Variants in C8B observed in about 807,000 individuals in gnomAD.
C8B encodes complement component C8 beta chain.
C8B carries 67 observed loss-of-function variants against 64.6 expected under a neutral mutation model. The observed-to-expected ratio is 1.04, with a 90% CI of 0.85 to 1.27. The LOEUF is 1.27. Among genes scored for constraint, C8B ranks in the 50% most tolerant of loss-of-function variants. The probability of loss-of-function intolerance (pLI) is 0.00; values close to 1 mark genes in which losing one functional copy is unlikely to be tolerated. For missense variants in C8B, 790 were observed against 725.2 expected (o/e 1.09, Z -1.03); for synonymous variants, 284 against 257.7 (o/e 1.10, Z -0.98).
rs1271925619 is a variant in C8B, at chr1:56,929,519, C to T, written c.1661G>A (p.Trp554Ter). 1.9e-6 allele frequency: 3 copies of T among 1,613,830 alleles called. No individual in the cohort carries two copies. The highest frequency in any genetic ancestry group is 2.2e-5 in the East Asian group (1 of 44,874). The stretch of plus-strand genomic sequence containing the variant: ...CTTACGTCTTCCAGAGCATGAAGAC[C>T]AATTTGACCAGCAATTCCACTTCCC... ...IDGKWNCWSN[W>*]SSCSGRRKTR... Residue 554 changes from tryptophan (W) to a stop codon, truncating the protein, a stop_gained, in exon 12 of 12, where the codon TGG becomes TAG. Coordinates refer to ENST00000371237, the MANE Select transcript of C8B (RefSeq NM_000066.4). LOFTEE classifies it low-confidence loss of function (END_TRUNC).
chr1:56,963,943 C>A, intron 1 of C8B: 1 of 985,388 alleles, frequency 1.0e-6, no homozygotes, highest in African/African-American at 1.7e-5. Context: ...TCAGCATTTT[C>A]TGTTCCAGAA....
intron 6 of C8B, among the ~76,000 whole-genome samples, chr1:56,949,144 CA>C (rs1413056043): frequency 2.0e-5 from 3 of 152,018 alleles, no homozygotes; most frequent in Non-Finnish European, 2.9e-5. Context: ...ATGTCCCCTC[CA>C]AAACTCATGT....
chr1:56,961,196 T>C (rs1409175401), intron 1 of C8B, among the ~76,000 whole-genome samples: 3 of 152,204 alleles, frequency 2.0e-5, no homozygotes, highest in East Asian at 1.9e-4. Context: ...ATGATTCTTA[T>C]TTTTTTCTTA....
At position 56,952,464 on chromosome 1, in the gene C8B, C is replaced by T. The variant is rs1026011633; in HGVS notation, c.534-284G>A. On this transcript the variant is annotated intron_variant, in intron 4 of 11. Coordinates refer to ENST00000371237, the MANE Select transcript of C8B (RefSeq NM_000066.4). Reference sequence around the variant, plus strand: ...CCCAGAATGCCCTTCCACCCAGTCACTGTTTTATCTCTGACTTGTCTGTCA... The same window carrying T: ...CCCAGAATGCCCTTCCACCCAGTCATTGTTTTATCTCTGACTTGTCTGTCA... 2.6e-5 allele frequency among the ~76,000 whole-genome samples: 4 copies of T among 152,290 alleles called. No individual in the cohort carries two copies. In the Middle Eastern group the frequency reaches 0.014, roughly 522 times the overall value.
At chr1:56,937,025 T>C (rs946684192) in intron 9 of C8B, among the ~76,000 whole-genome samples, 2 of 152,244 alleles carry the variant, frequency 1.3e-5, no homozygotes, top group African/African-American at 4.8e-5. Flanking sequence ...AGTAATTTGC[T>C]TTGAGAAAAT....
In C8B at chr1:56,965,842, G is replaced by A. The variant is rs368071008; in HGVS notation, c.92+15C>T. ...CATATTATTGATCAGGGAATTATTGGTAACTGTCACTTACCTGGAGCCAGG... is the reference window on the plus strand; with the variant it reads ...CATATTATTGATCAGGGAATTATTGATAACTGTCACTTACCTGGAGCCAGG... On this transcript the variant is annotated intron_variant, in intron 1 of 11. Transcript: ENST00000371237. 8.7e-6 allele frequency: 14 copies of A among 1,613,864 alleles called. No individual in the cohort carries two copies. The highest frequency in any genetic ancestry group is 1.7e-5 in the Admixed American group (1 of 60,022).
chr1:56,937,850 C>A (rs1234860858), intron 9 of C8B, among the ~76,000 whole-genome samples: 1 of 152,026 alleles, frequency 6.6e-6, no homozygotes, highest in Non-Finnish European at 1.5e-5. Flanking sequence ...AATTCTTCAC[C>A]CATTAATGAC....
chr1:56,963,964 T>C (rs1645215634), intron 1 of C8B: 1 of 985,174 alleles, frequency 1.0e-6, no homozygotes, highest in East Asian at 1.1e-4. Flanking sequence ...CCAAAGACTA[T>C]TCTTCTACTC....
intron 2 of C8B, among the ~76,000 whole-genome samples, chr1:56,957,546 G>A (rs1645120597): frequency 6.6e-6 from 1 of 152,094 alleles, no homozygotes; most frequent in South Asian, 2.1e-4. Context: ...TTATGTTGTT[G>A]GATGTATAGT....
chr1:56,960,192 A>G lies in C8B; in HGVS notation c.93-16T>C. 6.2e-7 allele frequency: 1 copy of G among 1,613,068 alleles called. No homozygotes were observed. The highest frequency in any genetic ancestry group is 8.5e-7 in the Non-Finnish European group (1 of 1,179,266). The stretch of plus-strand genomic sequence containing the variant: ...CCTTTCACCTCTAAAAGTCATTATG[A>G]GAGAAGAGAGTCACGTATCAGAAGG... On this transcript the variant is annotated splice_polypyrimidine_tract_variant and intron_variant, in intron 1 of 11. Coordinates refer to ENST00000371237, the MANE Select transcript of C8B (RefSeq NM_000066.4).
intron 9 of C8B, among the ~76,000 whole-genome samples, chr1:56,933,988 A>T (rs1271276573): frequency 1.3e-5 from 2 of 152,176 alleles, no homozygotes; most frequent in Non-Finnish European, 2.9e-5. Context: ...TATCAAAATC[A>T]TTCCCATCCT....
At chr1:56,953,060 C>T (rs376337801) in intron 4 of C8B, among the ~76,000 whole-genome samples, 3 of 152,164 alleles carry the variant, frequency 2.0e-5, no homozygotes, top group Non-Finnish European at 4.4e-5. Flanking sequence ...TGGGTAGCTA[C>T]GTGCATCATC....
intron 1 of C8B, among the ~76,000 whole-genome samples, chr1:56,961,613 G>T (rs1056790415): frequency 1.3e-5 from 2 of 152,150 alleles, no homozygotes; most frequent in South Asian, 4.1e-4. Context: ...TCTATGTAAG[G>T]CCTCTTTCTT....
chr1:56,959,975 A>G (rs550467706), intron 2 of C8B, 45 bp downstream of exon 2: 3 of 1,612,244 alleles, frequency 1.9e-6, no homozygotes, highest in African/African-American at 1.3e-5. Flanking sequence ...TGCTGGGGAC[A>G]AAGGCTCCTG....
At chr1:56,959,743 G>A in intron 2 of C8B, 1 of 856,350 alleles carries the variant, frequency 1.2e-6, no homozygotes, top group Non-Finnish European at 1.8e-6. Context: ...CCTGTTTCAT[G>A]ATGAAAGATT....
At position 56,949,652 on chromosome 1, in the gene C8B, A is replaced by T; in HGVS notation, c.767T>A (p.Phe256Tyr). ...EKMASKSGFS[F>Y]GFKIPGIFEL... ...AAATATTCCAGGTATTTTAAAACCA[A>T]AACTGAAACCAGACTTGCTTGCCAT... The change falls in exon 6 of 12, where the codon TTT (phenylalanine) becomes TAT (tyrosine). Residue 256 changes from phenylalanine to tyrosine, a missense_variant. By Grantham distance (22) the Phe-to-Tyr change is conservative. Coordinates refer to ENST00000371237, the MANE Select transcript of C8B (RefSeq NM_000066.4). 1 of 1,614,104 alleles carries T rather than the reference A, an allele frequency of 6.2e-7. No individual in the cohort carries two copies.
intron 2 of C8B, chr1:56,959,620 C>T: frequency 6.5e-7 from 1 of 1,535,346 alleles, no homozygotes; most frequent in South Asian, 1.2e-5. Flanking sequence ...TAGATTCGGT[C>T]ACAGGGATCC....
At chr1:56,943,886 A>G in intron 7 of C8B, 62 bp from the exon 8 acceptor site, 1 of 1,595,536 alleles carries the variant, frequency 6.3e-7, no homozygotes, top group Non-Finnish European at 8.6e-7. Context: ...CCCTTTTCCT[A>G]TGATCGAGTC....
At chr1:56,960,359 T>A (rs543285848) in intron 1 of C8B, among the ~76,000 whole-genome samples, 183 bp from the exon 2 acceptor site, 34 of 152,350 alleles carry the variant, frequency 2.2e-4, no homozygotes, top group South Asian at 6.2e-4. Context: ...AATCCAACAA[T>A]GAAATATTAA....
Sources: gnomAD v4.1 joint callset for allele counts (sites outside exome capture counted in the v4.1 genomes callset) on GRCh38, gnomAD v4.1.1 for gene constraint, MANE v1.5 for transcripts, NCBI Gene and HGNC (gene_info 2026-07-23, HGNC 2026-07-21) for gene names.